TENM2: variants seen among roughly 807,000 people sequenced by gnomAD.
TENM2 encodes the protein teneurin-2.
TENM2 carries 52 observed loss-of-function variants against 245.2 expected under a neutral mutation model. That is an observed-to-expected ratio of 0.21 (90% CI 0.17 to 0.27). The LOEUF (loss-of-function observed/expected upper bound fraction) is 0.27, where lower values mean the gene tolerates loss of function less well. Ranked by LOEUF, TENM2 falls within the 10% of genes least tolerant of loss-of-function variation. The pLI is 1.00. For missense variants in TENM2, 3,046 were observed against 3,666.8 expected, an observed-to-expected ratio of 0.83 and a Z score of 4.37; for synonymous variants, 1,363 against 1,438.9, an observed-to-expected ratio of 0.95 and a Z score of 1.19.
intron 2 of TENM2, among the ~76,000 whole-genome samples, chr5:167,555,895 C>A (rs1395163397): frequency 8.5e-5 from 13 of 152,092 alleles, no homozygotes; most frequent in Non-Finnish European, 1.8e-4. Context: ...ACTTCAACGA[C>A]ATGATTGCAA....
intron 23 of TENM2, among the ~76,000 whole-genome samples, chr5:168,219,624 G>C (rs965586113): frequency 2.0e-5 from 3 of 152,026 alleles, no homozygotes; most frequent in Non-Finnish European, 4.4e-5. Flanking sequence ...GGTACTAATG[G>C]TGGGATGCTG....
At position 167,820,083 on chromosome 5, in the gene TENM2, C is replaced by T. The variant is rs536781746; in HGVS notation, c.503-55903C>T. On this transcript the variant is annotated intron_variant, in intron 2 of 28. Coordinates refer to ENST00000518659, the Ensembl canonical transcript of TENM2. ...CCCAAACTGTTATCTGAACCTTCCT[C>T]CCTGGAGTGTCTTCTGCTCACTCCA... 7.2e-5 allele frequency among the ~76,000 whole-genome samples: 11 copies of T among 152,284 alleles called. No individual in the cohort carries two copies. The East Asian group carries it at 1.9e-3, about 27-fold the overall frequency.
chr5:167,649,729 A>C lies in TENM2; in HGVS notation c.503-226257A>C, dbSNP rs147992951. ...CAGACTGTCATCATTGTGTGCCTTG[A>C]GGGTGCTAACAATGTATTAGGTATC... On this transcript the variant is annotated intron_variant, in intron 2 of 28. Coordinates refer to ENST00000518659, the Ensembl canonical transcript of TENM2. Among the ~76,000 whole-genome samples the C allele has an allele frequency of 5.5e-3, 831 of 152,294 alleles. 5 individuals are homozygous for C. The highest frequency in any genetic ancestry group is 0.031 in the East Asian group (158 of 5,176).
At chr5:167,002,131 A>G in the TENM2 span, among the ~76,000 whole-genome samples, 27 of 152,178 alleles carry the variant, frequency 1.8e-4, no homozygotes, top group African/African-American at 6.3e-4. Context: ...GAAAAATATC[A>G]CTGGAGAAAC....
At chr5:167,256,909 C>A in the TENM2 span, among the ~76,000 whole-genome samples, 1 of 152,048 alleles carries the variant, frequency 6.6e-6, no homozygotes, top group East Asian at 1.9e-4. Context: ...GGTAAAACAA[C>A]TTATAGGAAG....
chr5:167,302,656 G>A (rs61241624), intron 1 of TENM2, among the ~76,000 whole-genome samples: 22,232 of 151,554 alleles, frequency 0.15, 1,909 homozygotes, highest in African/African-American at 0.24. Context: ...GGAAATAAGG[G>A]ACTGGGGGGT....
At chr5:167,350,228 A>C (rs1433499699) in intron 1 of TENM2, among the ~76,000 whole-genome samples, 1 of 152,116 alleles carries the variant, frequency 6.6e-6, no homozygotes, top group Middle Eastern at 3.2e-3. Flanking sequence ...TTGATACAAA[A>C]ATGAGTCTGA....
chr5:167,145,037 C>A, the TENM2 span, among the ~76,000 whole-genome samples: 1 of 152,186 alleles, frequency 6.6e-6, no homozygotes, highest in Admixed American at 6.5e-5. Flanking sequence ...CGTCCAATCT[C>A]CGCTTTTGCC....
intron 2 of TENM2, among the ~76,000 whole-genome samples, chr5:167,714,374 G>A (rs1284474677): frequency 1.3e-5 from 2 of 152,194 alleles, no homozygotes; most frequent in Non-Finnish European, 2.9e-5. Flanking sequence ...TCTTATCTCT[G>A]CTCTTTCTTC....
chr5:167,311,891 T>A (rs1170744377), intron 1 of TENM2, among the ~76,000 whole-genome samples: 1 of 152,206 alleles, frequency 6.6e-6, no homozygotes, highest in African/African-American at 2.4e-5. Context: ...TCTGTTGTAA[T>A]GATATTTTGT....
At chr5:167,850,947 C>T (rs144423414) in intron 2 of TENM2, among the ~76,000 whole-genome samples, 1,576 of 152,294 alleles carry the variant, frequency 0.01, 11 homozygotes, top group Middle Eastern at 0.041. Context: ...CATGTTCATT[C>T]ACGAAGCTGT....
intron 2 of TENM2, among the ~76,000 whole-genome samples, chr5:167,387,091 T>G (rs111712605): frequency 1.4e-4 from 21 of 152,304 alleles, no homozygotes; most frequent in African/African-American, 4.6e-4. Flanking sequence ...TGTAGATTGC[T>G]TTCAGCAGTA....
intron 7 of TENM2, among the ~76,000 whole-genome samples, chr5:168,080,411 T>A (rs1440062323): frequency 6.6e-6 from 1 of 152,222 alleles, no homozygotes; most frequent in Non-Finnish European, 1.5e-5. Context: ...TTTGAAGGAT[T>A]TTTTGTGTGT....
the TENM2 span, among the ~76,000 whole-genome samples, chr5:166,996,299 C>T: frequency 6.6e-6 from 1 of 152,074 alleles, no homozygotes; most frequent in Non-Finnish European, 1.5e-5. Flanking sequence ...GTGGAGATCG[C>T]GCCACTGCAG....
intron 2 of TENM2, among the ~76,000 whole-genome samples, chr5:167,771,575 C>T (rs1431459205): frequency 6.6e-6 from 1 of 152,168 alleles, no homozygotes; most frequent in African/African-American, 2.4e-5. Context: ...AATTCTATGG[C>T]TCTCATCCTA....
chr5:167,423,751 T>G (rs1460289249), intron 2 of TENM2, among the ~76,000 whole-genome samples: 1 of 152,190 alleles, frequency 6.6e-6, no homozygotes, highest in Non-Finnish European at 1.5e-5. Context: ...TTGCTTTATG[T>G]TAGCAATTCT....
intron 9 of TENM2, among the ~76,000 whole-genome samples, chr5:168,099,123 T>C (rs1425558326): frequency 1.3e-5 from 2 of 152,106 alleles, no homozygotes; most frequent in African/African-American, 2.4e-5. Flanking sequence ...TTGGCCAGGC[T>C]GGTCTCGAAC....
At chr5:167,933,236 A>C (rs1296765822) in intron 3 of TENM2, among the ~76,000 whole-genome samples, 1 of 152,208 alleles carries the variant, frequency 6.6e-6, no homozygotes, top group Non-Finnish European at 1.5e-5. Flanking sequence ...TTAGGCCTTC[A>C]GCTAGGTGTT....
intron 1 of TENM2, among the ~76,000 whole-genome samples, chr5:167,334,751 A>C (rs1561870849): frequency 6.6e-6 from 1 of 152,188 alleles, no homozygotes; most frequent in Admixed American, 6.5e-5. Flanking sequence ...ATTTGAAGGA[A>C]CATGCTTTGC....
Sources: allele counts gnomAD v4.1 joint callset (sites outside exome capture counted in the v4.1 genomes callset), GRCh38; gene constraint gnomAD v4.1.1; transcripts MANE v1.5; gene names NCBI Gene and HGNC (gene_info 2026-07-23, HGNC 2026-07-21).